SPECC1: variants seen among roughly 807,000 people sequenced by gnomAD.
The protein encoded by SPECC1 is sperm antigen with calponin homology and coiled-coil domains 1, also known as cytospin-B.
A neutral mutation model predicts 104.1 loss-of-function variants in SPECC1; 62 were observed. That is an observed-to-expected ratio of 0.60 (90% CI 0.49 to 0.74). The LOEUF (loss-of-function observed/expected upper bound fraction) is 0.74. SPECC1 is among the 30% of genes least tolerant of loss of function. The pLI is 0.00. For synonymous variants in SPECC1, 513 were observed against 501.6 expected (o/e 1.02, Z -0.30); for missense variants, 1,306 against 1,310.5 (o/e 1.00, Z 0.05).
chr17:20,231,487 T>C (rs1251513550), intron 5 of SPECC1, among the ~76,000 whole-genome samples: 2 of 152,202 alleles, frequency 1.3e-5, no homozygotes, highest in African/African-American at 4.8e-5. Context: ...TGCTGCTATT[T>C]GGTTGTGCAT....
intron 1 of SPECC1, among the ~76,000 whole-genome samples, chr17:20,073,366 C>CAA (rs2046634564): frequency 6.6e-6 from 1 of 152,196 alleles, no homozygotes; most frequent in Non-Finnish European, 1.5e-5. Context: ...AGCCAGCCTA[C>CAA]ATCTTGAAAC....
rs1030210775 is a variant in SPECC1, at chr17:20,060,585, T to C, written c.-21-36046T>C. Among the ~76,000 whole-genome samples the C allele has an allele frequency of 2.6e-5, 4 of 152,238 alleles. No homozygotes were observed. In the East Asian group the frequency reaches 7.7e-4, roughly 29 times the overall value. ...ATCCAGTGTCTGATAAATTCCAATT[T>C]TTTAATTATTCACCATTGTGCTTTC... On this transcript the variant is annotated intron_variant, in intron 1 of 14. Transcript: ENST00000395527.
At chr17:20,045,086 T>G (rs2045486405) in intron 1 of SPECC1, among the ~76,000 whole-genome samples, 1 of 152,280 alleles carries the variant, frequency 6.6e-6, no homozygotes, top group Non-Finnish European at 1.5e-5. Context: ...ATATACAACT[T>G]AGTAAAACAT....
At chr17:20,182,359 G>A (rs566937568) in intron 3 of SPECC1, among the ~76,000 whole-genome samples, 1 of 152,052 alleles carries the variant, frequency 6.6e-6, no homozygotes, top group East Asian at 1.9e-4. Flanking sequence ...CAAGTAATCC[G>A]CCTTCATTGG....
intron 3 of SPECC1, among the ~76,000 whole-genome samples, chr17:20,199,980 A>T (rs1321704650): frequency 2.6e-5 from 4 of 152,040 alleles, no homozygotes; most frequent in African/African-American, 4.8e-5. Flanking sequence ...TTTAGTAGAG[A>T]TGGGGTTTCA....
chr17:20,019,767 C>G (rs770446779), intron 1 of SPECC1, among the ~76,000 whole-genome samples: 79 of 152,310 alleles, frequency 5.2e-4, no homozygotes, highest in Non-Finnish European at 8.8e-4. Context: ...TCTCTTCCAG[C>G]TTTCCCACGG....
intron 12 of SPECC1, among the ~76,000 whole-genome samples, chr17:20,290,535 G>T (rs1158543074): frequency 6.6e-6 from 1 of 151,698 alleles, no homozygotes; most frequent in Non-Finnish European, 1.5e-5. Flanking sequence ...ATTTTTTTGA[G>T]ACAGGGTTTC....
At chr17:20,214,063 C>T (rs989838744) in intron 4 of SPECC1, among the ~76,000 whole-genome samples, 1 of 152,194 alleles carries the variant, frequency 6.6e-6, no homozygotes, top group South Asian at 2.1e-4. Context: ...CCTCCCAGCC[C>T]CTGGCAACCA....
chr17:20,032,991 G>GTC (rs778732584), intron 1 of SPECC1, among the ~76,000 whole-genome samples: 2 of 149,896 alleles, frequency 1.3e-5, no homozygotes, highest in South Asian at 2.1e-4. Context: ...TTGAGGTGGA[G>GTC]TCTCACTTTG....
intron 3 of SPECC1, among the ~76,000 whole-genome samples, chr17:20,198,422 C>CTT (rs1203799794): frequency 7.9e-5 from 12 of 152,198 alleles, no homozygotes; most frequent in African/African-American, 2.9e-4. Context: ...GGTGGCTGCT[C>CTT]CTCAGTAGCA....
intron 3 of SPECC1, among the ~76,000 whole-genome samples, chr17:20,169,374 C>G (rs2033911711): frequency 6.6e-6 from 1 of 152,114 alleles, no homozygotes; most frequent in Admixed American, 6.5e-5. Context: ...TATTATAGTT[C>G]TGAAAATCAG....
At chr17:20,129,845 C>G (rs535209881) in intron 3 of SPECC1, among the ~76,000 whole-genome samples, 9 of 152,256 alleles carry the variant, frequency 5.9e-5, no homozygotes, top group African/African-American at 1.9e-4. Context: ...CCTCTGCCTC[C>G]TGGGCTCAAG....
intron 3 of SPECC1, among the ~76,000 whole-genome samples, chr17:20,166,260 TCA>T (rs1313716111): frequency 6.6e-6 from 1 of 152,196 alleles, no homozygotes; most frequent in Admixed American, 6.5e-5. Flanking sequence ...ATGGAAAAAC[TCA>T]CAAGTAAAGT....
At chr17:20,178,648 A>C (rs1216242830) in intron 3 of SPECC1, among the ~76,000 whole-genome samples, 1 of 152,190 alleles carries the variant, frequency 6.6e-6, no homozygotes, top group African/African-American at 2.4e-5. Flanking sequence ...AACTGAATTA[A>C]TTTTCTGGAA....
intron 1 of SPECC1, chr17:20,095,812 T>C (rs1334050739): frequency 6.5e-6 from 1 of 152,856 alleles, no homozygotes; most frequent in Non-Finnish European, 1.5e-5. Flanking sequence ...CCTGAGTCCA[T>C]GGGGACAGGC....
At position 20,074,294 on chromosome 17, in the gene SPECC1, C is replaced by CA. The variant is rs2046672588; in HGVS notation, c.-21-22337_-21-22336insA. ...GGCAATACATACATTGTGTTAGGGT[C>CA]TGAAATGAGATGTTTGTGAAGCCCA... is the stretch of plus-strand genomic sequence containing the variant. On this transcript the variant is annotated intron_variant, in intron 1 of 14. Transcript: ENST00000395527. 2.0e-5 allele frequency among the ~76,000 whole-genome samples: 3 copies of CA among 152,194 alleles called. No individual in the cohort carries two copies. In the South Asian group the frequency reaches 6.2e-4, roughly 32 times the overall value.
chr17:20,028,946 G>A (rs2044704581), intron 1 of SPECC1, among the ~76,000 whole-genome samples: 1 of 152,124 alleles, frequency 6.6e-6, no homozygotes, highest in African/African-American at 2.4e-5. Context: ...ATTTTTAGAA[G>A]AGATAGGGTT....
chr17:20,120,555 A>G (rs1231349811), intron 3 of SPECC1, among the ~76,000 whole-genome samples: 1 of 152,178 alleles, frequency 6.6e-6, no homozygotes, highest in Non-Finnish European at 1.5e-5. Context: ...TTTCAGAGGA[A>G]ATTTCTTTTC....
intron 1 of SPECC1, among the ~76,000 whole-genome samples, chr17:20,011,600 A>G (rs1435803191): frequency 6.6e-6 from 1 of 151,778 alleles, no homozygotes; most frequent in Non-Finnish European, 1.5e-5. Context: ...TTTATTGATT[A>G]ATTCTATTGA....
Sources: allele counts gnomAD v4.1 joint callset (sites outside exome capture counted in the v4.1 genomes callset), GRCh38; gene constraint gnomAD v4.1.1; transcripts MANE v1.5; gene names NCBI Gene and HGNC (gene_info 2026-07-23, HGNC 2026-07-21).